The following KLHL36 variants were observed in gnomAD, a reference collection of about 807,000 sequenced individuals.
KLHL36 encodes kelch like family member 36.
KLHL36 carries 35 observed loss-of-function variants against 53.3 expected under a neutral mutation model. The ratio of observed to expected loss-of-function variants is 0.66; its 90% CI spans 0.50 to 0.87. The LOEUF (loss-of-function observed/expected upper bound fraction) is 0.87, where lower values mean the gene tolerates loss of function less well. Ranked by LOEUF, KLHL36 falls within the 40% of genes least tolerant of loss-of-function variation. KLHL36 has a pLI of 0.00. For synonymous variants in KLHL36, 472 were observed against 398.9 expected, an observed-to-expected ratio of 1.18 and a Z score of -2.18; for missense variants, 864 against 897.6, an observed-to-expected ratio of 0.96 and a Z score of 0.48.
At chr16:84,656,483 T>G (rs1907204271) in intron 2 of KLHL36, among the ~76,000 whole-genome samples, 1 of 151,648 alleles carries the variant, frequency 6.6e-6, no homozygotes, top group South Asian at 2.1e-4. Flanking sequence ...TTGGCCAGGC[T>G]GCTCTCAAAC....
chr16:84,654,550 G>A (rs1325374595), intron 2 of KLHL36, among the ~76,000 whole-genome samples: 1 of 152,202 alleles, frequency 6.6e-6, no homozygotes, highest in African/African-American at 2.4e-5. Flanking sequence ...TGCCAAGGAA[G>A]CTGAAGTGGA....
Position 84,657,580 on chromosome 16 carries a change from C to A in KLHL36, c.773C>A (p.Pro258His). Residue 258 changes from proline (P) to histidine (H), a missense_variant, in exon 3 of 5, where the codon CCC becomes CAC. By Grantham distance (77) the Pro-to-His change is moderately conservative (BLOSUM62 -2). Coordinates refer to ENST00000564996, the MANE Select transcript of KLHL36 (RefSeq NM_024731.4). ...AAGCCGGCCGTGTGCTCGCTGCTGC[C>A]CAAGGAGGCCAACTGCGAGGGCTTC... ...RVKPAVCSLL[P>H]KEANCEGFIE... The A allele has an allele frequency of 6.2e-7, 1 of 1,611,010 alleles. No homozygotes were observed. Among genetic ancestry groups the A allele is most frequent in the Non-Finnish European group, 8.5e-7 (1 of 1,179,854 alleles).
Position 84,661,977 on chromosome 16 carries a change from G to A in KLHL36, c.1695G>A (p.Val565=). 2.5e-6 allele frequency: 4 copies of A among 1,598,368 alleles called. No individual in the cohort carries two copies. The highest frequency in any genetic ancestry group is 3.4e-6 in the Non-Finnish European group (4 of 1,173,782). ...AGAACACTGCCTTCTCCAAGACCGT[G>A]CAGGTGTACGACCGCGAGGCCGACA... The part of the protein sequence containing the change: ...SWENTAFSKT[V]QVYDREADKW... The change falls in exon 5 of 5, where the codon GTG becomes GTA. Residue 565 remains valine, a synonymous_variant. Transcript: ENST00000564996. The surrounding 1 kb of genome is among the most constrained non-coding windows in gnomAD (Gnocchi z 7.9).
rs756677010 is a variant in KLHL36, at chr16:84,657,521, G to T, written c.714G>T (p.Pro238=). ...AGGTGCTGGAGAACATCCACTTCCC[G>T]CTCATCCCCAAGAACGACCTGCTGC... The part of the protein sequence containing the change: ...ARQVLENIHF[P]LIPKNDLLHR... Residue 238 remains proline, a synonymous_variant, in exon 3 of 5, where the codon CCG becomes CCT. Coordinates refer to ENST00000564996, the MANE Select transcript of KLHL36 (RefSeq NM_024731.4). 4 of 1,609,796 alleles carry T rather than the reference G, an allele frequency of 2.5e-6. No individual in the cohort carries two copies. The East Asian group carries it at 6.7e-5, about 27-fold the overall frequency.
chr16:84,662,171 C>T lies in KLHL36; in HGVS notation c.*38C>T, dbSNP rs1465604329. 4 of 1,453,338 alleles carry T rather than the reference C, an allele frequency of 2.8e-6. No homozygotes were observed. The South Asian group carries it at 5.4e-5, about 20-fold the overall frequency. The allele number at this position is 1,453,338 out of a possible 1,614,324, so 90.0% of individuals were successfully genotyped here. On this transcript the variant is annotated 3_prime_UTR_variant, in exon 5 of 5. Coordinates refer to ENST00000564996, the MANE Select transcript of KLHL36 (RefSeq NM_024731.4). ...CTCTTGGGACCATCCTCACCGTCAC[C>T]TCCCAGGGCTCTGTAGACCAGCAGC...
chr16:84,660,016 TC>T, intron 4 of KLHL36, 99 bp downstream of exon 4: 1 of 1,181,938 alleles, frequency 8.5e-7, no homozygotes, highest in Non-Finnish European at 1.2e-6. Context: ...GGCCTCCAAT[TC>T]CAGGAATGAA....
intron 3 of KLHL36, chr16:84,658,165 G>A (rs1329763428): frequency 1.6e-5 from 7 of 424,748 alleles, no homozygotes; most frequent in Non-Finnish European, 2.5e-5. Flanking sequence ...GTTCAGAGCA[G>A]CACTGCCTGG....
At chr16:84,650,813 G>C in intron 1 of KLHL36, 39 bp from the exon 2 acceptor site, 1 of 1,458,424 alleles carries the variant, frequency 6.9e-7, no homozygotes, top group Non-Finnish European at 9.6e-7. Flanking sequence ...ATGACCTAGA[G>C]TTATGACTGC....
intron 2 of KLHL36, among the ~76,000 whole-genome samples, chr16:84,651,439 C>A (rs1326420634): frequency 1.3e-5 from 2 of 152,140 alleles, no homozygotes; most frequent in African/African-American, 4.8e-5. Context: ...TGGGGGAGTT[C>A]TAATTAGAAA....
intron 2 of KLHL36, 52 bp downstream of exon 2, chr16:84,650,982 C>T (rs1451502008): frequency 1.4e-6 from 2 of 1,417,238 alleles, no homozygotes; most frequent in East Asian, 2.4e-5. Context: ...AAGTGTGATC[C>T]TTTTTCTGAT....
In KLHL36 at chr16:84,657,861, G is replaced by A. The variant is rs762149427; in HGVS notation, c.1054G>A (p.Gly352Ser). ...VLGGFIFIAGGSFSRDNGGDA... is the reference protein window; with the variant it reads ...VLGGFIFIAGSSFSRDNGGDA... The stretch of plus-strand genomic sequence containing the variant: ...GGGGGGCTTCATCTTCATCGCCGGC[G>A]GCAGCTTCTCACGGGACAACGGAGG... The change falls in exon 3 of 5, where the codon GGC (glycine) becomes AGC (serine). Residue 352 changes from glycine (G) to serine (S), a missense_variant. By Grantham distance (56) the Gly-to-Ser change is moderately conservative (BLOSUM62 0). Coordinates refer to ENST00000564996, the MANE Select transcript of KLHL36 (RefSeq NM_024731.4). 6 of 1,592,220 alleles carry A rather than the reference G, an allele frequency of 3.8e-6. No homozygotes were observed. The highest frequency in any genetic ancestry group is 1.1e-5 in the South Asian group (1 of 89,438).
rs1228384622 is a variant in KLHL36 at position 84,657,696 on chromosome 16, C to A, written c.889C>A (p.Leu297Met). The A allele has an allele frequency of 6.2e-7, 1 of 1,612,772 alleles. No homozygotes were observed. The highest frequency in any genetic ancestry group is 8.5e-7 in the Non-Finnish European group (1 of 1,179,826). Residue 297 changes from leucine (L) to methionine (M), a missense_variant, in exon 3 of 5, where the codon CTG (leucine) becomes ATG (methionine). Physicochemically the swap from Leu to Met is conservative, Grantham distance 15. Coordinates refer to ENST00000564996, the MANE Select transcript of KLHL36 (RefSeq NM_024731.4). ...RTALRTNQERLLFVGGEVSER... is the reference protein window; with the variant it reads ...RTALRTNQERMLFVGGEVSER... ...GGCGCTGCGCACCAACCAGGAGCGCCTGCTGTTTGTGGGCGGCGAGGTCTC... is the reference window on the plus strand; with the variant it reads ...GGCGCTGCGCACCAACCAGGAGCGCATGCTGTTTGTGGGCGGCGAGGTCTC...
rs1259672149 is a variant in KLHL36, at chr16:84,663,304, G to A, written c.*1171G>A. On this transcript the variant is annotated 3_prime_UTR_variant, in exon 5 of 5. Coordinates refer to ENST00000564996, the MANE Select transcript of KLHL36 (RefSeq NM_024731.4). Reference sequence around the variant, plus strand: ...CTCCAGGCTCCTCCCGGGTGATAGGGCCATTCAGCCTCTGAGCTGTTCGTA... The same window carrying A: ...CTCCAGGCTCCTCCCGGGTGATAGGACCATTCAGCCTCTGAGCTGTTCGTA... 6.6e-6 allele frequency: 1 copy of A among 152,308 alleles called. No individual in the cohort carries two copies. Among genetic ancestry groups the A allele is most frequent in the South Asian group, 2.1e-4 (1 of 4,834 alleles). The allele number at this position is 152,308 out of a possible 1,614,324, so 9.4% of individuals were successfully genotyped here.
chr16:84,658,328 G>A lies in KLHL36; in HGVS notation c.1137+384G>A, dbSNP rs142892914. The A allele has an allele frequency of 4.3e-3, 720 of 166,372 alleles. 4 individuals carry two copies. The highest frequency in any genetic ancestry group is 0.016 in the African/African-American group (668 of 42,056). The allele number at this position is 166,372 out of a possible 1,614,324, so 10.3% of individuals were successfully genotyped here. On this transcript the variant is annotated intron_variant, in intron 3 of 4. Transcript: ENST00000564996. ...CACTTTAACCGATTGACGTGTAAGT[G>A]TATGTGGCCGCACGAGGCGTGGCTA...
intron 2 of KLHL36, among the ~76,000 whole-genome samples, chr16:84,654,760 G>A (rs900403126): frequency 1.3e-5 from 2 of 152,044 alleles, no homozygotes; most frequent in Non-Finnish European, 2.9e-5. Context: ...ACAGGCGCCC[G>A]CCACCACAAC....
chr16:84,654,953 G>A (rs1907115107), intron 2 of KLHL36, among the ~76,000 whole-genome samples: 1 of 152,210 alleles, frequency 6.6e-6, no homozygotes, highest in Non-Finnish European at 1.5e-5. Context: ...ATCTACTGTT[G>A]CATGCCAGCC....
rs576782652 is a variant in KLHL36, at chr16:84,662,506, C to G, written c.*373C>G. 1 of 172,864 alleles carries G rather than the reference C, an allele frequency of 5.8e-6. No homozygotes were observed. The highest frequency in any genetic ancestry group is 1.2e-5 in the Non-Finnish European group (1 of 81,242). The allele number at this position is 172,864 out of a possible 1,614,324, so 10.7% of individuals were successfully genotyped here. A position where few individuals can be genotyped will look rare whatever the true frequency, so the allele number is the denominator to read the frequency against. Reference sequence around the variant, plus strand: ...AAGGGTTCTCTTAGGCCACCTAGTCCAAGCCTCCCCAAACCTGGCTGAACT... The same window carrying G: ...AAGGGTTCTCTTAGGCCACCTAGTCGAAGCCTCCCCAAACCTGGCTGAACT... On this transcript the variant is annotated 3_prime_UTR_variant, in exon 5 of 5. Transcript: ENST00000564996.
Position 84,659,767 on chromosome 16 carries a change from C to T in KLHL36, c.1145C>T (p.Ser382Phe), listed in dbSNP as rs1033776989. ...PRCKQWIKVA[S>F]MNQRRVDFYL... ...GGTATCTCAACTCCACAGGTGGCCT[C>T]CATGAACCAGCGCCGTGTGGATTTC... Residue 382 changes from serine (S) to phenylalanine (F), a missense_variant, in exon 4 of 5, where the codon TCC (serine) becomes TTC (phenylalanine). Coordinates refer to ENST00000564996, the MANE Select transcript of KLHL36 (RefSeq NM_024731.4). 2 of 1,614,014 alleles carry T rather than the reference C, an allele frequency of 1.2e-6. No individual in the cohort carries two copies. Among genetic ancestry groups the T allele is most frequent in the East Asian group, 2.2e-5 (1 of 44,894 alleles).
chr16:84,650,946 C>A lies in KLHL36; in HGVS notation c.63+16C>A. On this transcript the variant is annotated intron_variant, in intron 2 of 4. Transcript: ENST00000564996. ...ATCATCAAAGGTCTGTGAATGTTCA[C>A]TCACCACCTATGCAAATTGCCTAAG... The A allele has an allele frequency of 6.3e-7, 1 of 1,595,842 alleles. No individual in the cohort carries two copies. The highest frequency in any genetic ancestry group is 8.5e-7 in the Non-Finnish European group (1 of 1,171,148).
Sources: gnomAD v4.1 joint callset for allele counts (sites outside exome capture counted in the v4.1 genomes callset) on GRCh38, gnomAD v4.1.1 for gene constraint, Gnocchi (gnomAD v3.1) non-coding constraint, MANE v1.5 for transcripts, NCBI Gene and HGNC (gene_info 2026-07-23, HGNC 2026-07-21) for gene names.